NSMCE2: variants seen among roughly 807,000 people sequenced by gnomAD.
The protein encoded by NSMCE2 is NSE2 SUMO ligase component of SMC5/6 complex.
A neutral mutation model predicts 23.8 loss-of-function variants in NSMCE2; 24 were observed. The observed-to-expected ratio is 1.01, with a 90% CI of 0.73 to 1.42. NSMCE2 has a LOEUF of 1.42. NSMCE2 is among the 40% of genes most tolerant of loss of function. The pLI is 0.00. For synonymous variants in NSMCE2, 92 were observed against 94.1 expected, an observed-to-expected ratio of 0.98 and a Z score of 0.13; for missense variants, 284 against 296.5, an observed-to-expected ratio of 0.96 and a Z score of 0.31.
rs116055385 is a variant in NSMCE2 at position 125,362,423 on chromosome 8, C to T, written c.627-4345C>T. 3.1e-3 allele frequency among the ~76,000 whole-genome samples: 473 copies of T among 152,324 alleles called. 2 individuals are homozygous for T. The highest frequency in any genetic ancestry group is 0.011 in the African/African-American group (442 of 41,570). The stretch of plus-strand genomic sequence containing the variant: ...GCTGGACAAAATGTCGTTAGCACCC[C>T]ATGTCATGCCAACATTGTCAGTGCA... On this transcript the variant is annotated intron_variant, in intron 7 of 7. Transcript: ENST00000287437.
intron 4 of NSMCE2, among the ~76,000 whole-genome samples, chr8:125,171,817 G>A (rs561768888): frequency 6.6e-6 from 1 of 152,290 alleles, no homozygotes; most frequent in Admixed American, 6.5e-5. Flanking sequence ...CTCTAAGTCA[G>A]CACTTCCCAG....
chr8:125,348,267 C>T (rs1812866665), intron 5 of NSMCE2: 1 of 151,954 alleles, frequency 6.6e-6, no homozygotes. Flanking sequence ...ATATTGGATC[C>T]TTATTGTGTT....
chr8:125,118,330 G>A (rs1563660762), intron 3 of NSMCE2, among the ~76,000 whole-genome samples: 1 of 151,936 alleles, frequency 6.6e-6, no homozygotes, highest in African/African-American at 2.4e-5. Context: ...GCAGTGAGCC[G>A]AGATTACACC....
intron 5 of NSMCE2, among the ~76,000 whole-genome samples, chr8:125,199,161 G>T (rs1362740540): frequency 2.0e-5 from 3 of 151,954 alleles, no homozygotes; most frequent in Non-Finnish European, 4.4e-5. Context: ...TTTTTGAAGG[G>T]TTTTTTTGTG....
At position 125,111,262 on chromosome 8, in the gene NSMCE2, C is replaced by T. The variant is rs191767583; in HGVS notation, c.157+8775C>T. Reference sequence around the variant, plus strand: ...CATGGTCAGGGACATTTACTGCCCTCATGAATAACTGACCTTTTACATTTG... The same window carrying T: ...CATGGTCAGGGACATTTACTGCCCTTATGAATAACTGACCTTTTACATTTG... On this transcript the variant is annotated intron_variant, in intron 3 of 7. Coordinates refer to ENST00000287437, the MANE Select transcript of NSMCE2 (RefSeq NM_173685.4). 8.5e-5 allele frequency among the ~76,000 whole-genome samples: 13 copies of T among 152,296 alleles called. No individual in the cohort carries two copies. In the East Asian group the frequency reaches 2.3e-3, roughly 27 times the overall value.
At chr8:125,334,749 A>G (rs1830010097) in intron 5 of NSMCE2, among the ~76,000 whole-genome samples, 1 of 150,592 alleles carries the variant, frequency 6.6e-6, no homozygotes, top group Non-Finnish European at 1.5e-5. Context: ...GATTGGGCCA[A>G]AAAAGATTAT....
intron 4 of NSMCE2, among the ~76,000 whole-genome samples, chr8:125,173,209 G>A (rs918669731): frequency 1.3e-5 from 2 of 152,202 alleles, no homozygotes; most frequent in East Asian, 3.8e-4. Context: ...AATCAGTGGA[G>A]GTATTGTTGA....
intron 3 of NSMCE2, among the ~76,000 whole-genome samples, chr8:125,105,581 A>G (rs1818421983): frequency 6.6e-6 from 1 of 152,232 alleles, no homozygotes; most frequent in South Asian, 2.1e-4. Flanking sequence ...TTCATGCTCT[A>G]AAGCCAAAGT....
intron 7 of NSMCE2, among the ~76,000 whole-genome samples, chr8:125,359,266 CAAA>C (rs35823474): frequency 5.2e-5 from 5 of 95,366 alleles, no homozygotes; most frequent in Non-Finnish European, 4.3e-5. Context: ...ACTCTGTCTC[CAAA>C]AAAAAAAAAA....
At chr8:125,253,651 T>C (rs1826287437) in intron 5 of NSMCE2, among the ~76,000 whole-genome samples, 1 of 152,228 alleles carries the variant, frequency 6.6e-6, no homozygotes, top group Non-Finnish European at 1.5e-5. Flanking sequence ...TTGGTTTGTA[T>C]TGTAAAGGCA....
At chr8:125,101,376 G>C (rs1818180779) in intron 1 of NSMCE2, among the ~76,000 whole-genome samples, 1 of 152,180 alleles carries the variant, frequency 6.6e-6, no homozygotes, top group African/African-American at 2.4e-5. Flanking sequence ...CTAATTAATT[G>C]TGTACTGTAT....
intron 5 of NSMCE2, among the ~76,000 whole-genome samples, chr8:125,347,147 G>A (rs943516726): frequency 2.0e-5 from 3 of 152,152 alleles, no homozygotes; most frequent in African/African-American, 7.2e-5. Context: ...ACAGCACTAT[G>A]AAGTAAGTAC....
At chr8:125,216,273 G>A (rs1824578250) in intron 5 of NSMCE2, among the ~76,000 whole-genome samples, 1 of 152,298 alleles carries the variant, frequency 6.6e-6, no homozygotes, top group Non-Finnish European at 1.5e-5. Flanking sequence ...GAGCATCAGT[G>A]TACATGTATC....
intron 5 of NSMCE2, among the ~76,000 whole-genome samples, chr8:125,235,472 T>C (rs1266832950): frequency 6.6e-6 from 1 of 152,180 alleles, no homozygotes; most frequent in East Asian, 1.9e-4. Context: ...TTGTAGCATA[T>C]GTGTCATTTT....
At chr8:125,295,846 T>G (rs1828300914) in intron 5 of NSMCE2, among the ~76,000 whole-genome samples, 1 of 152,364 alleles carries the variant, frequency 6.6e-6, no homozygotes, top group South Asian at 2.1e-4. Flanking sequence ...TTGAGCATTC[T>G]ATTGACTAAA....
At chr8:125,184,489 A>G (rs1563704623) in intron 5 of NSMCE2, among the ~76,000 whole-genome samples, 2 of 152,098 alleles carry the variant, frequency 1.3e-5, no homozygotes, top group African/African-American at 4.8e-5. Context: ...TTCCCTGTAT[A>G]TTGTAACACT....
chr8:125,278,335 G>A lies in NSMCE2; in HGVS notation c.419-78884G>A, dbSNP rs891916739. 4.6e-5 allele frequency among the ~76,000 whole-genome samples: 7 copies of A among 152,270 alleles called. No individual in the cohort carries two copies. The East Asian group carries it at 1.4e-3, about 29-fold the overall frequency. The stretch of plus-strand genomic sequence containing the variant: ...AGGCCCTTCAGAGCACTCTGTCCTG[G>A]CCCTGCTCTTAGGTTTGCTTGCCAC... On this transcript the variant is annotated intron_variant, in intron 5 of 7. Coordinates refer to ENST00000287437, the MANE Select transcript of NSMCE2 (RefSeq NM_173685.4).
Position 125,208,931 on chromosome 8 carries a change from G to A in NSMCE2, c.418+26675G>A, listed in dbSNP as rs117014610. ...TTATGCTGGGAAGATTGCTGTCAAT[G>A]TTTTTTTCCTCTCCAATGGTGCCAA... On this transcript the variant is annotated intron_variant, in intron 5 of 7. Coordinates refer to ENST00000287437, the MANE Select transcript of NSMCE2 (RefSeq NM_173685.4). Among the ~76,000 whole-genome samples the A allele has an allele frequency of 4.5e-3, 685 of 152,290 alleles. 3 individuals carry two copies. Among genetic ancestry groups the A allele is most frequent in the Non-Finnish European group, 7.9e-3 (538 of 68,010 alleles).
At chr8:125,306,180 A>T (rs1348624800) in intron 5 of NSMCE2, among the ~76,000 whole-genome samples, 3 of 152,002 alleles carry the variant, frequency 2.0e-5, no homozygotes, top group Non-Finnish European at 4.4e-5. Context: ...AAATTAAAAA[A>T]TTAGCCAGGT....
Sources: gnomAD v4.1 joint callset for allele counts (sites outside exome capture counted in the v4.1 genomes callset) on GRCh38, gnomAD v4.1.1 for gene constraint, MANE v1.5 for transcripts, NCBI Gene and HGNC (gene_info 2026-07-23, HGNC 2026-07-21) for gene names.